Variants in XKR6 observed in about 807,000 individuals in gnomAD.
XKR6 encodes XK-related protein 6.
A neutral mutation model predicts 56.7 loss-of-function variants in XKR6; 22 were observed. That is an observed-to-expected ratio of 0.39 (90% CI 0.28 to 0.55). XKR6 has a LOEUF of 0.55. XKR6 is among the 20% of genes least tolerant of loss of function. The pLI is 0.66. For synonymous variants in XKR6, 524 were observed against 387.8 expected (o/e 1.35, Z -4.13); for missense variants, 852 against 889.0 (o/e 0.96, Z 0.53).
chr8:11,201,365 GTT>G lies in XKR6; in HGVS notation c.-28_-27del. On this transcript the variant is annotated 5_prime_UTR_variant, in exon 1 of 3. Transcript: ENST00000416569. ...CTTGACTCTCTTCCCAGCTCCGGAG[GTT>G]GGGGGGGAGGGACGGCGGGGGGGGG... is the stretch of plus-strand genomic sequence containing the variant. 1 of 1,458,794 alleles carries G rather than the reference GTT, an allele frequency of 6.9e-7. No individual in the cohort carries two copies. Among genetic ancestry groups the G allele is most frequent in the South Asian group, 1.4e-5 (1 of 73,956 alleles). 90.4% of individuals were successfully genotyped at this position (1,458,794 alleles called of 1,614,324 possible).
intron 2 of XKR6, among the ~76,000 whole-genome samples, chr8:10,914,362 T>C (rs1464880404): frequency 6.6e-6 from 1 of 152,064 alleles, no homozygotes; most frequent in South Asian, 2.1e-4. Context: ...AACAAGAAGA[T>C]AGTATTCGTG....
At chr8:11,081,478 G>A (rs1382753323) in intron 1 of XKR6, among the ~76,000 whole-genome samples, 1 of 152,170 alleles carries the variant, frequency 6.6e-6, no homozygotes, top group Non-Finnish European at 1.5e-5. Flanking sequence ...AATGTGATTT[G>A]ATCACACATC....
At chr8:10,953,562 G>A (rs530785037) in intron 1 of XKR6, among the ~76,000 whole-genome samples, 24 of 152,216 alleles carry the variant, frequency 1.6e-4, no homozygotes, top group Admixed American at 4.6e-4. Context: ...TAACACAGAC[G>A]GGGTCTTGCC....
chr8:11,086,057 T>C (rs1797876363), intron 1 of XKR6, among the ~76,000 whole-genome samples: 1 of 151,772 alleles, frequency 6.6e-6, no homozygotes, highest in Non-Finnish European at 1.5e-5. Context: ...GAGGACACTC[T>C]CACGGTCCCG....
At chr8:11,181,541 C>T (rs1042220609) in intron 1 of XKR6, among the ~76,000 whole-genome samples, 1 of 152,070 alleles carries the variant, frequency 6.6e-6, no homozygotes, top group Non-Finnish European at 1.5e-5. Flanking sequence ...CATTGTTAGA[C>T]CTTTATTTGG....
intron 1 of XKR6, among the ~76,000 whole-genome samples, chr8:11,076,303 G>A (rs1441480198): frequency 6.6e-6 from 1 of 152,134 alleles, no homozygotes; most frequent in Non-Finnish European, 1.5e-5. Flanking sequence ...TGGTGGTGAT[G>A]GTTGCACAAC....
At chr8:10,952,076 A>G (rs895079847) in intron 1 of XKR6, among the ~76,000 whole-genome samples, 8 of 152,160 alleles carry the variant, frequency 5.3e-5, no homozygotes, top group Non-Finnish European at 1.0e-4. Flanking sequence ...GCACAGGTCC[A>G]CGGCATGACC....
At chr8:11,129,867 A>G (rs1800015610) in intron 1 of XKR6, among the ~76,000 whole-genome samples, 1 of 151,714 alleles carries the variant, frequency 6.6e-6, no homozygotes, top group Non-Finnish European at 1.5e-5. Flanking sequence ...AGACAATTCA[A>G]TCTTCACTTT....
At chr8:11,166,630 T>C (rs2117030498) in intron 1 of XKR6, among the ~76,000 whole-genome samples, 1 of 152,308 alleles carries the variant, frequency 6.6e-6, no homozygotes, top group Non-Finnish European at 1.5e-5. Context: ...TGGAGTGCCA[T>C]GGCGTGACCT....
chr8:11,201,199 CTCGCTGCCG>C lies in XKR6; in HGVS notation c.132_140del (p.Asp44_Ser46del). 6.5e-7 allele frequency: 1 copy of C among 1,530,168 alleles called. No individual in the cohort carries two copies. The highest frequency in any genetic ancestry group is 2.0e-5 in the Admixed American group (1 of 50,790). The allele number at this position is 1,530,168 out of a possible 1,614,324, so 94.8% of individuals were successfully genotyped here. A position where few individuals can be genotyped will look rare whatever the true frequency, so the allele number is the denominator to read the frequency against. Reference sequence around the variant, plus strand: ...TGTGCATCGAGCTGCTCTCGCCGGGCTCGCTGCCGTCGCCGCCGCCGCCGCAGCCGCCTC... The same window carrying C: ...TGTGCATCGAGCTGCTCTCGCCGGGCTCGCCGCCGCCGCCGCAGCCGCCTC... On this transcript the variant is annotated inframe_deletion, in exon 1 of 3. Coordinates refer to ENST00000416569, the MANE Select transcript of XKR6 (RefSeq NM_173683.4).
chr8:10,943,000 G>A (rs1801430884), intron 1 of XKR6, among the ~76,000 whole-genome samples: 1 of 152,174 alleles, frequency 6.6e-6, no homozygotes, highest in South Asian at 2.1e-4. Context: ...AGGAGAAAAT[G>A]GCTCAAAGGA....
At chr8:11,192,876 C>G (rs1803657484) in intron 1 of XKR6, among the ~76,000 whole-genome samples, 1 of 152,140 alleles carries the variant, frequency 6.6e-6, no homozygotes, top group African/African-American at 2.4e-5. Flanking sequence ...AGGCACCTGC[C>G]CTCTGGAGGG....
At chr8:11,094,775 G>A (rs1309252014) in intron 1 of XKR6, among the ~76,000 whole-genome samples, 1 of 152,224 alleles carries the variant, frequency 6.6e-6, no homozygotes, top group Non-Finnish European at 1.5e-5. Context: ...TCATTTCTGA[G>A]GCTCCAAGAT....
At chr8:11,168,482 G>A (rs907610336) in intron 1 of XKR6, among the ~76,000 whole-genome samples, 2 of 152,084 alleles carry the variant, frequency 1.3e-5, no homozygotes, top group Non-Finnish European at 2.9e-5. Context: ...ATAACAGATA[G>A]AAGAACTTGA....
chr8:11,141,137 A>G (rs1433646073), intron 1 of XKR6, among the ~76,000 whole-genome samples: 1 of 152,204 alleles, frequency 6.6e-6, no homozygotes, highest in East Asian at 1.9e-4. Flanking sequence ...AACAGATGCA[A>G]AAGACTTTAA....
chr8:11,014,801 C>A (rs1238364277), intron 1 of XKR6, among the ~76,000 whole-genome samples: 1 of 152,096 alleles, frequency 6.6e-6, no homozygotes, highest in African/African-American at 2.4e-5. Context: ...CCGCAACATA[C>A]CCATGTAACA....
intron 1 of XKR6, chr8:11,104,885 GCT>G (rs937585215): frequency 2.0e-5 from 3 of 152,160 alleles, no homozygotes; most frequent in African/African-American, 7.2e-5. Context: ...AGGTTTCAGT[GCT>G]TTTTCACATA....
At chr8:11,023,487 C>T (rs546367622) in intron 1 of XKR6, among the ~76,000 whole-genome samples, 1 of 152,304 alleles carries the variant, frequency 6.6e-6, no homozygotes, top group East Asian at 1.9e-4. Flanking sequence ...TGGTCTCAAA[C>T]TCCTGGGCTC....
At chr8:10,911,219 T>C (rs559644816) in intron 2 of XKR6, among the ~76,000 whole-genome samples, 2 of 144,032 alleles carry the variant, frequency 1.4e-5, no homozygotes, top group South Asian at 4.3e-4. Context: ...TGTGTGTGTG[T>C]GTGTGTGTGT....
Sources: allele counts gnomAD v4.1 joint callset (sites outside exome capture counted in the v4.1 genomes callset), GRCh38; gene constraint gnomAD v4.1.1; transcripts MANE v1.5; gene names NCBI Gene and HGNC (gene_info 2026-07-23, HGNC 2026-07-21).